Variants in CHAT observed in about 807,000 individuals in gnomAD.
CHAT encodes choline O-acetyltransferase, also known as acetyl CoA:choline O-acetyltransferase.
A neutral mutation model predicts 76.9 loss-of-function variants in CHAT; 61 were observed. The ratio of observed to expected loss-of-function variants is 0.79; its 90% CI spans 0.65 to 0.98. The LOEUF is 0.98. Ranked by LOEUF, CHAT falls within the 50% of genes least tolerant of loss-of-function variation. The probability of loss-of-function intolerance (pLI) is 0.00; values close to 1 mark genes in which losing one functional copy is unlikely to be tolerated. For missense variants in CHAT, 946 were observed against 986.9 expected, an observed-to-expected ratio of 0.96 and a Z score of 0.56; for synonymous variants, 407 against 397.4, an observed-to-expected ratio of 1.02 and a Z score of -0.29.
chr10:49,649,976 G>A (rs138707833), intron 10 of CHAT, among the ~76,000 whole-genome samples: 31 of 149,158 alleles, frequency 2.1e-4, no homozygotes, highest in African/African-American at 6.9e-4. Flanking sequence ...GGTTTGAATA[G>A]GTCATTTGAA....
Position 49,618,209 on chromosome 10 carries a change from C to G in CHAT, c.388-1516C>G, listed in dbSNP as rs1312691175. ...TCCAAATCTCTCCACAAGAGTACACCCTTCAGGTCCGGAGATCAGCTAGAT... is the reference window on the plus strand; with the variant it reads ...TCCAAATCTCTCCACAAGAGTACACGCTTCAGGTCCGGAGATCAGCTAGAT... On this transcript the variant is annotated intron_variant, in intron 2 of 14. Transcript: ENST00000337653. Among the ~76,000 whole-genome samples the G allele has an allele frequency of 6.6e-5, 10 of 152,144 alleles. No individual in the cohort carries two copies. In the East Asian group the frequency reaches 1.5e-3, roughly 23 times the overall value.
intron 5 of CHAT, among the ~76,000 whole-genome samples, chr10:49,624,574 T>C (rs1838845968): frequency 6.6e-6 from 1 of 152,230 alleles, no homozygotes; most frequent in Non-Finnish European, 1.5e-5. Flanking sequence ...ACTCCCTACC[T>C]ACACATCCTA....
intron 7 of CHAT, among the ~76,000 whole-genome samples, chr10:49,630,142 C>T (rs1334244310): frequency 6.6e-6 from 1 of 151,728 alleles, no homozygotes; most frequent in African/African-American, 2.4e-5. Context: ...ATGTTTGGAG[C>T]CCAAGGGAGA....
At chr10:49,660,615 C>T (rs531314732) in intron 13 of CHAT, among the ~76,000 whole-genome samples, 2 of 152,236 alleles carry the variant, frequency 1.3e-5, no homozygotes, top group East Asian at 3.9e-4. Flanking sequence ...GGAATCCGTG[C>T]TGGCAAAATG....
At chr10:49,632,221 G>A (rs1205423281) in intron 7 of CHAT, among the ~76,000 whole-genome samples, 1 of 152,188 alleles carries the variant, frequency 6.6e-6, no homozygotes, top group African/African-American at 2.4e-5. Flanking sequence ...AGCCATGCAG[G>A]GGAATGGCCC....
chr10:49,649,060 T>C (rs74677368), intron 9 of CHAT, among the ~76,000 whole-genome samples: 3,840 of 152,252 alleles, frequency 0.025, 170 homozygotes, highest in African/African-American at 0.087. Context: ...TTCCTTCCTC[T>C]ATTCCCAATT....
chr10:49,633,245 G>A (rs1204794234), intron 7 of CHAT, among the ~76,000 whole-genome samples: 1 of 152,194 alleles, frequency 6.6e-6, no homozygotes, highest in Non-Finnish European at 1.5e-5. Flanking sequence ...GAGGGACAGA[G>A]TGGGGCCAAG....
chr10:49,629,180 A>C (rs1431428269), intron 7 of CHAT, among the ~76,000 whole-genome samples: 1 of 152,246 alleles, frequency 6.6e-6, no homozygotes, highest in East Asian at 1.9e-4. Flanking sequence ...TAAGGTCAGA[A>C]GGACAGGGGC....
At chr10:49,633,118 G>A (rs906503537) in intron 7 of CHAT, among the ~76,000 whole-genome samples, 3 of 152,210 alleles carry the variant, frequency 2.0e-5, no homozygotes, top group Non-Finnish European at 2.9e-5. Flanking sequence ...GGTGTGCTGA[G>A]GCCAGTGTGA....
chr10:49,615,167 G>T (rs533931751), intron 1 of CHAT, among the ~76,000 whole-genome samples: 1 of 152,060 alleles, frequency 6.6e-6, no homozygotes, highest in Non-Finnish European at 1.5e-5. Flanking sequence ...GGGGGGGAGG[G>T]GGGGGCTCTG....
chr10:49,650,593 G>T (rs79403774), intron 10 of CHAT, among the ~76,000 whole-genome samples: 2,950 of 152,222 alleles, frequency 0.019, 111 homozygotes, highest in African/African-American at 0.068. Flanking sequence ...TGGCCAGAGT[G>T]GGGCCACAAA....
chr10:49,625,319 G>A (rs967981900), intron 5 of CHAT, among the ~76,000 whole-genome samples, 154 bp from the exon 6 acceptor site: 5 of 152,216 alleles, frequency 3.3e-5, no homozygotes, highest in Admixed American at 2.6e-4. Flanking sequence ...ACTTTAAAAA[G>A]TGGAGAATTG....
chr10:49,645,229 A>G lies in CHAT; in HGVS notation c.1112-1276A>G, dbSNP rs991042767. Among the ~76,000 whole-genome samples, 14 of 152,170 alleles carry G rather than the reference A, an allele frequency of 9.2e-5. No individual in the cohort carries two copies. The South Asian group carries it at 2.1e-3, about 23-fold the overall frequency. On this transcript the variant is annotated intron_variant, in intron 7 of 14. Transcript: ENST00000337653. ...ACTAGGAGTCTCTACCATGTAATGA[A>G]CCTTTCCCTGCAAATGCCATGCACC...
chr10:49,646,702 G>A lies in CHAT; in HGVS notation c.1281+28G>A, dbSNP rs1327468817. Reference sequence around the variant, plus strand: ...AAGCCGTCCAGGTGGCCCTGCAAGAGCACAGCCATGCCCCCAGCGAGAGAG... The same window carrying A: ...AAGCCGTCCAGGTGGCCCTGCAAGAACACAGCCATGCCCCCAGCGAGAGAG... On this transcript the variant is annotated intron_variant, in intron 8 of 14. Transcript: ENST00000337653. 5 of 1,610,788 alleles carry A rather than the reference G, an allele frequency of 3.1e-6. No homozygotes were observed. In the South Asian group the frequency reaches 5.5e-5, roughly 18 times the overall value.
At position 49,649,579 on chromosome 10, in the gene CHAT, G is replaced by A. The variant is rs768087857; in HGVS notation, c.1454G>A (p.Trp485Ter). The change falls in exon 10 of 15, where the codon TGG becomes TAG. Residue 485 changes from tryptophan to a stop codon, truncating the protein, a stop_gained. Coordinates refer to ENST00000337653, the MANE Select transcript of CHAT (RefSeq NM_020549.5). LOFTEE classifies it high-confidence loss of function. Reference protein sequence around the residue: ...SELPAPRRLRWKCSPEIQGHL... With the variant: ...SELPAPRRLR Reference sequence around the variant, plus strand: ...CTCCCCGCCCCCCGGAGGCTGCGGTGGAAATGCTCCCCGGAAATTCAAGGC... The same window carrying A: ...CTCCCCGCCCCCCGGAGGCTGCGGTAGAAATGCTCCCCGGAAATTCAAGGC... The A allele has an allele frequency of 1.2e-6, 2 of 1,613,776 alleles. No individual in the cohort carries two copies. The highest frequency in any genetic ancestry group is 1.7e-6 in the Non-Finnish European group (2 of 1,180,048).
At chr10:49,611,557 C>A (rs200634156), upstream of CHAT, 7 of 1,605,286 alleles carry the variant, frequency 4.4e-6, no homozygotes, top group East Asian at 1.6e-4. Flanking sequence ...TGCACGGGCT[C>A]GGGCCAACCT....
chr10:49,628,898 A>C (rs1163642247), intron 7 of CHAT, among the ~76,000 whole-genome samples: 2 of 152,228 alleles, frequency 1.3e-5, no homozygotes, highest in Non-Finnish European at 2.9e-5. Context: ...CCTGAGCCGG[A>C]TGTACTGGGC....
Position 49,655,405 on chromosome 10 carries a change from T to C in CHAT, c.1796T>C (p.Leu599Pro), listed in dbSNP as rs1167738140. Residue 599 changes from leucine to proline, a missense_variant, in exon 13 of 15, where the codon CTC (leucine) becomes CCC (proline). Physicochemically the swap from Leu to Pro is moderately conservative, Grantham distance 98. Transcript: ENST00000337653. ...AAVPASEKLL[L>P]LKDAIRAQTA... The stretch of plus-strand genomic sequence containing the variant: ...TGACAGGCTTCTGAGAAGCTTCTGC[T>C]CCTGAAGGATGCCATCCGTGCCCAG... The C allele has an allele frequency of 6.2e-7, 1 of 1,613,966 alleles. No individual in the cohort carries two copies.
chr10:49,653,773 C>T (rs543282461), intron 11 of CHAT, among the ~76,000 whole-genome samples: 2 of 152,232 alleles, frequency 1.3e-5, no homozygotes, highest in Non-Finnish European at 2.9e-5. Context: ...CGAGATAGGC[C>T]GTGAGGTCAG....
Sources: gnomAD v4.1 joint callset for allele counts (sites outside exome capture counted in the v4.1 genomes callset) on GRCh38, gnomAD v4.1.1 for gene constraint, MANE v1.5 for transcripts, NCBI Gene and HGNC (gene_info 2026-07-23, HGNC 2026-07-21) for gene names.